The following CCDC91 variants were observed in gnomAD, a reference collection of about 807,000 sequenced individuals.
The protein encoded by CCDC91 is coiled-coil domain containing 91, also known as coiled-coil domain-containing protein 91.
Under a neutral mutation model 63.2 loss-of-function variants are expected in CCDC91, and 48 were observed. That is an observed-to-expected ratio of 0.76 (90% CI 0.60 to 0.97). CCDC91 has a LOEUF of 0.97. CCDC91 is among the 50% of genes least tolerant of loss of function. The probability of loss-of-function intolerance (pLI) is 0.00; values close to 1 mark genes in which losing one functional copy is unlikely to be tolerated. For missense variants in CCDC91, 500 were observed against 494.6 expected, an observed-to-expected ratio of 1.01 and a Z score of -0.10; for synonymous variants, 167 against 165.8, an observed-to-expected ratio of 1.01 and a Z score of -0.06.
At chr12:28,250,965 T>A (rs1946082332) in intron 1 of CCDC91, among the ~76,000 whole-genome samples, 4 of 151,134 alleles carry the variant, frequency 2.6e-5, no homozygotes, top group Admixed American at 1.3e-4. Context: ...TGTGTGTGTG[T>A]GTGTGTGTGT....
At chr12:28,298,738 C>A (rs12372289) in intron 3 of CCDC91, among the ~76,000 whole-genome samples, 144 of 145,354 alleles carry the variant, frequency 9.9e-4, no homozygotes, top group African/African-American at 2.4e-3. Flanking sequence ...AAAAAAAAAA[C>A]AACAACAACA....
At chr12:28,337,084 T>C (rs1294872236) in intron 6 of CCDC91, among the ~76,000 whole-genome samples, 1 of 152,128 alleles carries the variant, frequency 6.6e-6, no homozygotes, top group Non-Finnish European at 1.5e-5. Context: ...AAAGCCTCAG[T>C]ATCAAGTAGC....
At chr12:28,351,010 A>G (rs1462979562) in intron 6 of CCDC91, among the ~76,000 whole-genome samples, 1 of 152,142 alleles carries the variant, frequency 6.6e-6, no homozygotes. Flanking sequence ...GCACAATGCA[A>G]TCTGTTACCG....
chr12:28,453,386 A>G (rs1949909457), intron 11 of CCDC91, among the ~76,000 whole-genome samples: 1 of 152,056 alleles, frequency 6.6e-6, no homozygotes, highest in Non-Finnish European at 1.5e-5. Context: ...TGTTAAATAT[A>G]CTACAATTGT....
chr12:28,447,805 GGGGA>G (rs1421553690), intron 8 of CCDC91, among the ~76,000 whole-genome samples: 3,946 of 30,648 alleles, frequency 0.13, 671 homozygotes, highest in Non-Finnish European at 0.21. Flanking sequence ...GGGGAGGGGA[GGGGA>G]GGGAGGGGAA....
chr12:28,342,954 T>C (rs1942541645), intron 6 of CCDC91, among the ~76,000 whole-genome samples: 1 of 152,130 alleles, frequency 6.6e-6, no homozygotes, highest in Non-Finnish European at 1.5e-5. Context: ...TATCATGCCT[T>C]TTTATTTGAC....
intron 6 of CCDC91, among the ~76,000 whole-genome samples, chr12:28,313,970 C>A (rs1163218346): frequency 6.6e-6 from 1 of 152,008 alleles, no homozygotes; most frequent in Non-Finnish European, 1.5e-5. Flanking sequence ...TAGCACATGT[C>A]CTCATGCTGC....
intron 12 of CCDC91, among the ~76,000 whole-genome samples, chr12:28,494,350 C>A (rs1952170370): frequency 6.6e-6 from 1 of 151,722 alleles, no homozygotes; most frequent in Non-Finnish European, 1.5e-5. Flanking sequence ...GATTCCCAAA[C>A]TAATGTATAA....
At chr12:28,282,166 G>A (rs914686966) in intron 3 of CCDC91, among the ~76,000 whole-genome samples, 17 of 152,180 alleles carry the variant, frequency 1.1e-4, no homozygotes, top group South Asian at 2.1e-4. Context: ...TTGGTAATGC[G>A]TTTTATTTTT....
At chr12:28,491,872 TG>T (rs1952025354) in intron 12 of CCDC91, among the ~76,000 whole-genome samples, 1 of 146,266 alleles carries the variant, frequency 6.8e-6, no homozygotes. Context: ...TGTGTGTGTG[TG>T]TGTGTGTGTG....
chr12:28,212,374 A>C (rs1943290033), intron 1 of CCDC91, among the ~76,000 whole-genome samples: 1 of 152,210 alleles, frequency 6.6e-6, no homozygotes, highest in Non-Finnish European at 1.5e-5. Context: ...TGAAGTACAG[A>C]AATGGGAAGT....
chr12:28,297,241 G>A (rs561281467), intron 3 of CCDC91, among the ~76,000 whole-genome samples: 23 of 151,850 alleles, frequency 1.5e-4, no homozygotes, highest in African/African-American at 2.2e-4. Context: ...GAATTAATAA[G>A]AGTTATTATG....
chr12:28,278,883 A>G (rs1948416053), intron 3 of CCDC91, among the ~76,000 whole-genome samples: 1 of 152,056 alleles, frequency 6.6e-6, no homozygotes, highest in Admixed American at 6.6e-5. Flanking sequence ...AATAATATAT[A>G]CTTTAAAAAA....
At chr12:28,475,673 C>G (rs897753728) in intron 11 of CCDC91, among the ~76,000 whole-genome samples, 8 of 152,128 alleles carry the variant, frequency 5.3e-5, no homozygotes, top group African/African-American at 1.7e-4. Flanking sequence ...CTCTCTCCCC[C>G]TCTTTTATCA....
At chr12:28,541,298 A>G (rs1357703290) in intron 12 of CCDC91, among the ~76,000 whole-genome samples, 1 of 143,228 alleles carries the variant, frequency 7.0e-6, no homozygotes, top group Non-Finnish European at 1.5e-5. Context: ...TGTAATATAA[A>G]GTAAGTTTCC....
intron 8 of CCDC91, among the ~76,000 whole-genome samples, chr12:28,416,351 G>T (rs1231629066): frequency 6.6e-6 from 1 of 151,952 alleles, no homozygotes; most frequent in Non-Finnish European, 1.5e-5. Context: ...GTATCAAAGG[G>T]TATAGATATT....
intron 7 of CCDC91, among the ~76,000 whole-genome samples, chr12:28,369,631 C>G (rs1242573357): frequency 2.0e-5 from 3 of 152,172 alleles, no homozygotes; most frequent in African/African-American, 7.2e-5. Context: ...GGATCCAACC[C>G]CACATTTTCC....
chr12:28,379,161 T>TA (rs982707879), intron 7 of CCDC91, among the ~76,000 whole-genome samples: 1 of 151,796 alleles, frequency 6.6e-6, no homozygotes, highest in African/African-American at 2.4e-5. Context: ...ATTCCAAAGA[T>TA]AAAAGACCTT....
intron 12 of CCDC91, among the ~76,000 whole-genome samples, chr12:28,488,266 G>A (rs1729362131): frequency 6.6e-6 from 1 of 151,632 alleles, no homozygotes; most frequent in South Asian, 2.1e-4. Context: ...AAACATCTTA[G>A]GACAAAGGGG....
Sources: gnomAD v4.1 joint callset for allele counts (sites outside exome capture counted in the v4.1 genomes callset) on GRCh38, gnomAD v4.1.1 for gene constraint, MANE v1.5 for transcripts, NCBI Gene and HGNC (gene_info 2026-07-23, HGNC 2026-07-21) for gene names.